SEC14L2: variants seen among roughly 807,000 people sequenced by gnomAD.
SEC14L2 encodes SEC14 like lipid binding 2.
A neutral mutation model predicts 56.9 loss-of-function variants in SEC14L2; 50 were observed. The ratio of observed to expected loss-of-function variants is 0.88; its 90% CI spans 0.70 to 1.11. The LOEUF is 1.11. Ranked by LOEUF, SEC14L2 falls within the 50% of genes most tolerant of loss-of-function variation. The pLI is 0.00. For missense variants in SEC14L2, 414 were observed against 500.7 expected (o/e 0.83, Z 1.65); for synonymous variants, 179 against 188.5 (o/e 0.95, Z 0.41).
At chr22:30,413,612 G>C (rs1392097999) in intron 8 of SEC14L2, among the ~76,000 whole-genome samples, 1 of 152,164 alleles carries the variant, frequency 6.6e-6, no homozygotes, top group Non-Finnish European at 1.5e-5. Context: ...TGCCACCTAT[G>C]GCACTGAACT....
chr22:30,399,274 T>C (rs1223977729), intron 1 of SEC14L2, among the ~76,000 whole-genome samples: 2 of 152,018 alleles, frequency 1.3e-5, no homozygotes, highest in Non-Finnish European at 2.9e-5. Flanking sequence ...CCCAGCACTT[T>C]AGACCGAGAT....
At chr22:30,422,200 A>G in intron 11 of SEC14L2, 77 bp from the exon 12 acceptor site, 1 of 1,575,848 alleles carries the variant, frequency 6.3e-7, no homozygotes, top group Non-Finnish European at 8.7e-7. Context: ...CAGTCACTAA[A>G]CATCAACAAA....
Position 30,410,114 on chromosome 22 carries a change from C to T in SEC14L2, c.581-482C>T, listed in dbSNP as rs528154928. ...TCAGGTGGCTGAAGCACAAAAATCA[C>T]TTGAACCCGGGAGGTGGAGGATGCA... On this transcript the variant is annotated intron_variant, in intron 7 of 11. Transcript: ENST00000615189. Among the ~76,000 whole-genome samples, 89 of 151,774 alleles carry T rather than the reference C, an allele frequency of 5.9e-4. 1 individual carries two copies. The highest frequency in any genetic ancestry group is 6.8e-3 in the Middle Eastern group (2 of 292).
chr22:30,413,054 T>TTTTTATATA (rs1934294660), intron 8 of SEC14L2, among the ~76,000 whole-genome samples: 1 of 152,102 alleles, frequency 6.6e-6, no homozygotes. Flanking sequence ...ATGTTGGGAA[T>TTTTTATATA]ACCTGAGTTT....
rs902322654 is a variant in SEC14L2 at position 30,423,955 on chromosome 22, G to A, written c.*1548G>A. ...GCAGCCGTTTCACGCCAATAGATAGGGCGCATGCGCAGAAATCCTCCTCGG... is the reference window on the plus strand; with the variant it reads ...GCAGCCGTTTCACGCCAATAGATAGAGCGCATGCGCAGAAATCCTCCTCGG... On this transcript the variant is annotated 3_prime_UTR_variant, in exon 12 of 12. Coordinates refer to ENST00000615189, the MANE Select transcript of SEC14L2 (RefSeq NM_012429.5). 6.6e-6 allele frequency: 1 copy of A among 152,256 alleles called. No individual in the cohort carries two copies. The highest frequency in any genetic ancestry group is 6.5e-5 in the Admixed American group (1 of 15,290). 9.4% of individuals were successfully genotyped at this position (152,256 alleles called of 1,614,324 possible).
At chr22:30,400,491 C>T (rs1465015255) in intron 2 of SEC14L2, 2 of 152,304 alleles carry the variant, frequency 1.3e-5, no homozygotes, top group African/African-American at 2.4e-5. Context: ...ATTCCTTCCC[C>T]TCCTCTCCTT....
At chr22:30,397,902 A>T (rs777306391) in intron 1 of SEC14L2, 5 of 470,830 alleles carry the variant, frequency 1.1e-5, no homozygotes, top group African/African-American at 1.0e-4. Context: ...CATCTGTGAC[A>T]AGGAGGGGGC....
intron 2 of SEC14L2, among the ~76,000 whole-genome samples, chr22:30,401,097 TTTC>T (rs1160792564): frequency 2.0e-5 from 3 of 151,678 alleles, no homozygotes; most frequent in East Asian, 3.9e-4. Flanking sequence ...TTAATTTTAA[TTTC>T]TTTTTTTGAG....
At chr22:30,398,700 T>C (rs775693106) in intron 1 of SEC14L2, 2 of 471,572 alleles carry the variant, frequency 4.2e-6, no homozygotes, top group South Asian at 3.1e-5. Context: ...CCATGTTTTA[T>C]AGGAAGCCGT....
rs1266755177 is a variant in SEC14L2 at position 30,409,464 on chromosome 22, G to A, written c.558G>A (p.Leu186=). 3 of 1,614,184 alleles carry A rather than the reference G, an allele frequency of 1.9e-6. No individual in the cohort carries two copies. The highest frequency in any genetic ancestry group is 2.5e-6 in the Non-Finnish European group (3 of 1,180,018). Residue 186 remains leucine, a synonymous_variant, in exon 7 of 12, where the codon CTG becomes CTA. Transcript: ENST00000615189. ...TTGAGGAAAATTATCCCGAAACACT[G>A]AAGCGTCTTTTTGTTGTTAAAGGTA... The part of the protein sequence containing the change: ...CMFEENYPET[L]KRLFVVKAPK...
At chr22:30,403,531 G>C (rs955591409) in intron 2 of SEC14L2, among the ~76,000 whole-genome samples, 1 of 152,208 alleles carries the variant, frequency 6.6e-6, no homozygotes, top group African/African-American at 2.4e-5. Flanking sequence ...CAGGAGCCTG[G>C]AGAGGCCTCA....
At chr22:30,399,389 C>T (rs1933854205) in intron 1 of SEC14L2, among the ~76,000 whole-genome samples, 1 of 151,858 alleles carries the variant, frequency 6.6e-6, no homozygotes, top group Admixed American at 6.6e-5. Context: ...TTGGCAGGCC[C>T]CTGTAGTCCC....
At chr22:30,399,424 A>T (rs1408539701) in intron 1 of SEC14L2, among the ~76,000 whole-genome samples, 1 of 146,372 alleles carries the variant, frequency 6.8e-6, no homozygotes, top group African/African-American at 2.5e-5. Context: ...CTGAGTCAGG[A>T]GAATGGTGTG....
intron 11 of SEC14L2, among the ~76,000 whole-genome samples, chr22:30,417,836 C>A (rs2146039941): frequency 6.6e-6 from 1 of 152,100 alleles, no homozygotes; most frequent in South Asian, 2.1e-4. Flanking sequence ...GGTCACCCAA[C>A]CTGAGATTTT....
At position 30,424,664 on chromosome 22, in the gene SEC14L2, TGCAGACG is replaced by T; in HGVS notation, c.*2258_*2264del. ...CAATGTTGGCTACTCTCATTTTTTT[TGCAGACG>T]TGGGAACTGGGGCTCAGGGAGGCTA... On this transcript the variant is annotated 3_prime_UTR_variant, in exon 12 of 12. Coordinates refer to ENST00000615189, the MANE Select transcript of SEC14L2 (RefSeq NM_012429.5). 4.4e-6 allele frequency: 2 copies of T among 455,274 alleles called. No homozygotes were observed. Among genetic ancestry groups the T allele is most frequent in the Admixed American group, 4.7e-5 (2 of 42,380 alleles). The allele number at this position is 455,274 out of a possible 1,614,324, so 28.2% of individuals were successfully genotyped here.
At chr22:30,417,722 G>A (rs1934423416) in intron 11 of SEC14L2, among the ~76,000 whole-genome samples, 1 of 152,152 alleles carries the variant, frequency 6.6e-6, no homozygotes, top group South Asian at 2.1e-4. Flanking sequence ...AGACAATGCC[G>A]GGAGATGGGA....
intron 8 of SEC14L2, among the ~76,000 whole-genome samples, chr22:30,415,479 T>C (rs1285297073): frequency 2.0e-5 from 3 of 152,108 alleles, no homozygotes; most frequent in African/African-American, 7.2e-5. Flanking sequence ...ACTCCCACCA[T>C]AACCAGGCAG....
chr22:30,404,175 G>A (rs1934028383), intron 2 of SEC14L2, among the ~76,000 whole-genome samples: 1 of 152,084 alleles, frequency 6.6e-6, no homozygotes, highest in East Asian at 1.9e-4. Context: ...CAGATGATTT[G>A]GTCAGAGATG....
intron 7 of SEC14L2, among the ~76,000 whole-genome samples, chr22:30,409,773 G>A (rs1018120209): frequency 3.9e-5 from 6 of 152,186 alleles, no homozygotes; most frequent in Non-Finnish European, 5.9e-5. Flanking sequence ...GGTGGTGCAT[G>A]CCTGTAGTTC....
Sources: gnomAD v4.1 joint callset for allele counts (sites outside exome capture counted in the v4.1 genomes callset) on GRCh38, gnomAD v4.1.1 for gene constraint, MANE v1.5 for transcripts, NCBI Gene and HGNC (gene_info 2026-07-23, HGNC 2026-07-21) for gene names.